Variants in RNLS observed in about 807,000 individuals in gnomAD.
The protein encoded by RNLS is renalase.
RNLS carries 39 observed loss-of-function variants against 39.8 expected under a neutral mutation model. The ratio of observed to expected loss-of-function variants is 0.98; its 90% confidence interval spans 0.76 to 1.28. The LOEUF (loss-of-function observed/expected upper bound fraction) is 1.28, where lower values mean the gene tolerates loss of function less well. Among genes scored for constraint, RNLS ranks in the 50% most tolerant of loss-of-function variants. The pLI is 0.00. For synonymous variants in RNLS, 147 were observed against 150.7 expected (o/e 0.98, Z 0.18); for missense variants, 410 against 413.3 (o/e 0.99, Z 0.07).
intron 4 of RNLS, among the ~76,000 whole-genome samples, chr10:88,454,256 A>T (rs958215156): frequency 2.6e-5 from 4 of 152,236 alleles, no homozygotes; most frequent in African/African-American, 9.6e-5. Context: ...CAAATAAAAC[A>T]AATGACTATC....
At chr10:88,434,581 C>T (rs182342925) in intron 4 of RNLS, among the ~76,000 whole-genome samples, 1 of 152,116 alleles carries the variant, frequency 6.6e-6, no homozygotes, top group African/African-American at 2.4e-5. Context: ...TATCAATAAA[C>T]TGGGATAACA....
intron 5 of RNLS, among the ~76,000 whole-genome samples, chr10:88,336,896 T>G (rs1159124218): frequency 1.3e-5 from 2 of 152,036 alleles, no homozygotes; most frequent in African/African-American, 4.8e-5. Flanking sequence ...AGGTGTTGTG[T>G]TAAATCATCA....
intron 4 of RNLS, among the ~76,000 whole-genome samples, chr10:88,488,951 T>C (rs1844731763): frequency 2.0e-5 from 3 of 152,200 alleles, no homozygotes; most frequent in Admixed American, 2.0e-4. Flanking sequence ...TCTTTTAAAC[T>C]GCAATATGCT....
the RNLS span, among the ~76,000 whole-genome samples, chr10:88,176,501 T>A: frequency 4.6e-5 from 7 of 152,212 alleles, no homozygotes; most frequent in Admixed American, 4.6e-4. Context: ...GCGAATTTAA[T>A]TCATTTACAT....
At chr10:88,237,395 G>GCC in the RNLS span, among the ~76,000 whole-genome samples, 10 of 150,948 alleles carry the variant, frequency 6.6e-5, no homozygotes, top group Non-Finnish European at 1.5e-4. Context: ...CAAAGGAATT[G>GCC]CCATAATCAA....
intron 6 of RNLS, among the ~76,000 whole-genome samples, chr10:88,292,799 T>G (rs11202700): frequency 0.19 from 28,139 of 151,902 alleles, 2,767 homozygotes; most frequent in Middle Eastern, 0.28. Flanking sequence ...ATCCCAGCAC[T>G]TTGGGAGGCT....
chr10:88,543,224 T>C (rs1026361977), intron 4 of RNLS, among the ~76,000 whole-genome samples: 10 of 152,140 alleles, frequency 6.6e-5, no homozygotes, highest in Non-Finnish European at 7.4e-5. Context: ...TGCCAGCCTC[T>C]TTCCTCTGCC....
At chr10:88,388,353 C>T (rs1851992559) in intron 4 of RNLS, among the ~76,000 whole-genome samples, 1 of 152,134 alleles carries the variant, frequency 6.6e-6, no homozygotes, top group Non-Finnish European at 1.5e-5. Context: ...CCCTGTCTTC[C>T]CCAGCTCTTG....
intron 5 of RNLS, among the ~76,000 whole-genome samples, chr10:88,318,255 G>A (rs191859045): frequency 6.6e-6 from 1 of 152,218 alleles, no homozygotes; most frequent in African/African-American, 2.4e-5. Flanking sequence ...TGGGAGCCCT[G>A]GAGATCTCAC....
intron 5 of RNLS, among the ~76,000 whole-genome samples, chr10:88,342,171 G>A (rs886311807): frequency 7.2e-5 from 11 of 152,198 alleles, no homozygotes; most frequent in East Asian, 5.8e-4. Flanking sequence ...TGACTTTTGG[G>A]GCTTATCTTC....
chr10:88,228,020 A>G, the RNLS span, among the ~76,000 whole-genome samples: 1 of 152,152 alleles, frequency 6.6e-6, no homozygotes, highest in Non-Finnish European at 1.5e-5. Flanking sequence ...CTCTCTTGGA[A>G]GAAGGGCGGA....
chr10:88,254,884 G>T, the RNLS span, among the ~76,000 whole-genome samples: 2 of 152,214 alleles, frequency 1.3e-5, no homozygotes, highest in South Asian at 2.1e-4. Context: ...TGTCATCACA[G>T]AAGTGGGATG....
intron 4 of RNLS, among the ~76,000 whole-genome samples, chr10:88,454,273 G>T (rs1051596780): frequency 2.6e-5 from 4 of 152,200 alleles, no homozygotes; most frequent in Non-Finnish European, 5.9e-5. Context: ...TATCAGATTT[G>T]ATAATTAGGA....
intron 4 of RNLS, among the ~76,000 whole-genome samples, chr10:88,546,565 T>C (rs1848323752): frequency 6.6e-6 from 1 of 152,168 alleles, no homozygotes; most frequent in South Asian, 2.1e-4. Flanking sequence ...TTTCCTATTT[T>C]CATATTAGAA....
At chr10:88,344,454 T>C (rs926387456) in intron 5 of RNLS, among the ~76,000 whole-genome samples, 2 of 152,096 alleles carry the variant, frequency 1.3e-5, no homozygotes, top group African/African-American at 2.4e-5. Context: ...ATAAGACAAA[T>C]GGAGTTACTC....
At chr10:88,513,763 A>G (rs1256121479) in intron 4 of RNLS, among the ~76,000 whole-genome samples, 1 of 152,116 alleles carries the variant, frequency 6.6e-6, no homozygotes, top group Admixed American at 6.6e-5. Flanking sequence ...TTTCAGAGAT[A>G]TTGCCAAATT....
intron 4 of RNLS, among the ~76,000 whole-genome samples, chr10:88,419,732 C>T (rs911671972): frequency 3.9e-5 from 6 of 152,056 alleles, no homozygotes; most frequent in East Asian, 1.9e-4. Context: ...TGGCTGGGGG[C>T]GGTGGCTCAC....
intron 3 of RNLS, among the ~76,000 whole-genome samples, chr10:88,575,159 TACACAC>T (rs375572767): frequency 0.068 from 2,902 of 42,906 alleles, 99 homozygotes; most frequent in African/African-American, 0.097. Context: ...TATATATATA[TACACAC>T]ACACACACAC....
At chr10:88,443,898 G>C (rs936747811) in intron 4 of RNLS, among the ~76,000 whole-genome samples, 3 of 152,254 alleles carry the variant, frequency 2.0e-5, no homozygotes, top group African/African-American at 7.2e-5. Context: ...TCTCGGGGCA[G>C]GGCATAGCCG....
Sources: gnomAD v4.1 joint callset for allele counts (sites outside exome capture counted in the v4.1 genomes callset) on GRCh38, gnomAD v4.1.1 for gene constraint, MANE v1.5 for transcripts, NCBI Gene and HGNC (gene_info 2026-07-23, HGNC 2026-07-21) for gene names.